HPSE2: variants seen among roughly 807,000 people sequenced by gnomAD.
HPSE2 encodes heparanase 2 (inactive).
HPSE2 carries 38 observed loss-of-function variants against 60.5 expected under a neutral mutation model. The observed-to-expected ratio is 0.63, with a 90% CI of 0.48 to 0.82. HPSE2 has a LOEUF of 0.82. HPSE2 is among the 40% of genes least tolerant of loss of function. The pLI is 0.00. For missense variants in HPSE2, 713 were observed against 740.4 expected (o/e 0.96, Z 0.43); for synonymous variants, 295 against 293.2 (o/e 1.01, Z -0.06).
intron 3 of HPSE2, among the ~76,000 whole-genome samples, chr10:99,061,080 T>A (rs1175275870): frequency 6.6e-6 from 1 of 152,114 alleles, no homozygotes; most frequent in Non-Finnish European, 1.5e-5. Context: ...AATAAAGAAT[T>A]CAAGGTAATT....
rs949472616 is a variant in HPSE2, at chr10:98,558,157, C to A, written c.1320+56747G>T. On this transcript the variant is annotated intron_variant, in intron 9 of 11. Transcript: ENST00000370552. Reference sequence around the variant, plus strand: ...AAGTGTTGACAAGGCTGTGGAGAAACCAAAATTTTCATACACTGCTGGTAG... The same window carrying A: ...AAGTGTTGACAAGGCTGTGGAGAAAACAAAATTTTCATACACTGCTGGTAG... Among the ~76,000 whole-genome samples, 5 of 151,916 alleles carry A rather than the reference C, an allele frequency of 3.3e-5. No homozygotes were observed. The East Asian group carries it at 7.7e-4, about 23-fold the overall frequency.
chr10:99,252,520 C>T, the HPSE2 span, among the ~76,000 whole-genome samples: 2 of 152,082 alleles, frequency 1.3e-5, no homozygotes, highest in Non-Finnish European at 2.9e-5. Context: ...TATTTTTATA[C>T]ACCAATAATG....
chr10:98,721,520 G>GC, intron 5 of HPSE2, 137 bp downstream of exon 5: 1 of 786,910 alleles, frequency 1.3e-6, no homozygotes, highest in Non-Finnish European at 2.0e-6. Context: ...AGTGGGTGAA[G>GC]CCACTATGGA....
At chr10:99,100,218 C>T (rs931129912) in intron 3 of HPSE2, among the ~76,000 whole-genome samples, 1 of 152,108 alleles carries the variant, frequency 6.6e-6, no homozygotes, top group African/African-American at 2.4e-5. Context: ...AGTTCGAATC[C>T]ATCGCAAAGA....
In HPSE2 at chr10:98,809,642, C is replaced by T. The variant is rs113971601; in HGVS notation, c.611-65586G>A. Among the ~76,000 whole-genome samples, 1,280 of 152,042 alleles carry T rather than the reference C, an allele frequency of 8.4e-3. 24 individuals are homozygous for T. Among genetic ancestry groups the T allele is most frequent in the African/African-American group, 0.03 (1,226 of 41,498 alleles). Reference sequence around the variant, plus strand: ...GGATGATCATAGCTTACTCTTTTTGCTACAATAATTTTTATAACCAACATC... The same window carrying T: ...GGATGATCATAGCTTACTCTTTTTGTTACAATAATTTTTATAACCAACATC... On this transcript the variant is annotated intron_variant, in intron 3 of 11. Coordinates refer to ENST00000370552, the MANE Select transcript of HPSE2 (RefSeq NM_021828.5).
rs12221330 is a variant in HPSE2 at position 99,160,524 on chromosome 10, A to T, written c.449-16125T>A. On this transcript the variant is annotated intron_variant, in intron 2 of 11. Transcript: ENST00000370552. ...TTGGAAAACACATTGGTAGTTTCTT[A>T]ACAAAATAAACTTGCTGTACAACCT... is the stretch of plus-strand genomic sequence containing the variant. 1.5e-4 allele frequency among the ~76,000 whole-genome samples: 23 copies of T among 152,290 alleles called. No individual in the cohort carries two copies. The East Asian group carries it at 4.5e-3, about 29-fold the overall frequency.
intron 9 of HPSE2, among the ~76,000 whole-genome samples, chr10:98,495,341 A>G (rs1335097561): frequency 6.6e-6 from 1 of 152,178 alleles, no homozygotes; most frequent in Non-Finnish European, 1.5e-5. Context: ...AATCTGATTA[A>G]AAGTGTCTTG....
intron 9 of HPSE2, among the ~76,000 whole-genome samples, chr10:98,572,065 C>G (rs1676002): frequency 1.3e-5 from 2 of 151,600 alleles, no homozygotes; most frequent in African/African-American, 4.9e-5. Context: ...CTCAGCCTCC[C>G]AAGTAGCTGG....
chr10:98,505,238 A>G (rs1231065473), intron 9 of HPSE2, among the ~76,000 whole-genome samples: 1 of 152,186 alleles, frequency 6.6e-6, no homozygotes, highest in African/African-American at 2.4e-5. Context: ...CAGCAACTTC[A>G]TCAGCTGGGT....
intron 3 of HPSE2, among the ~76,000 whole-genome samples, chr10:98,843,227 G>C (rs1951959360): frequency 6.6e-6 from 1 of 152,100 alleles, no homozygotes; most frequent in African/African-American, 2.4e-5. Context: ...CCCAGTGTCT[G>C]TTGTTTCCCT....
At chr10:99,065,446 G>A (rs2135533510) in intron 3 of HPSE2, among the ~76,000 whole-genome samples, 1 of 151,860 alleles carries the variant, frequency 6.6e-6, no homozygotes, top group East Asian at 1.9e-4. Context: ...ACAAAACAAA[G>A]GAATATAGCT....
At chr10:99,138,783 C>T (rs970503645) in intron 3 of HPSE2, among the ~76,000 whole-genome samples, 2 of 152,094 alleles carry the variant, frequency 1.3e-5, no homozygotes, top group Non-Finnish European at 2.9e-5. Context: ...AGGAGAAATA[C>T]CTAATGTAGG....
intron 3 of HPSE2, among the ~76,000 whole-genome samples, chr10:99,130,763 C>T (rs1219829699): frequency 3.9e-5 from 6 of 152,118 alleles, no homozygotes; most frequent in Non-Finnish European, 5.9e-5. Context: ...GTGACAGACC[C>T]GGGGCTTTGG....
chr10:99,168,088 A>T (rs933127232), intron 2 of HPSE2, among the ~76,000 whole-genome samples: 98 of 3,638 alleles, frequency 0.027, no homozygotes, highest in African/African-American at 0.037. Context: ...CAGCCTATTT[A>T]CACACACACA....
intron 3 of HPSE2, among the ~76,000 whole-genome samples, chr10:99,079,039 A>G (rs1189873441): frequency 6.6e-6 from 1 of 152,106 alleles, no homozygotes; most frequent in East Asian, 1.9e-4. Flanking sequence ...TTCCTCCCCA[A>G]GAAAAATCTG....
intron 9 of HPSE2, among the ~76,000 whole-genome samples, chr10:98,573,282 T>C (rs1051154766): frequency 2.6e-5 from 4 of 152,208 alleles, no homozygotes; most frequent in Non-Finnish European, 5.9e-5. Context: ...AAACAAAATC[T>C]GGAACTCACT....
chr10:99,248,677 T>C, the HPSE2 span, among the ~76,000 whole-genome samples: 2 of 152,292 alleles, frequency 1.3e-5, no homozygotes, highest in Non-Finnish European at 2.9e-5. Context: ...GCAAAGACAA[T>C]GGGGAAAATG....
At chr10:98,771,295 T>C (rs954743656) in intron 3 of HPSE2, among the ~76,000 whole-genome samples, 2 of 152,188 alleles carry the variant, frequency 1.3e-5, no homozygotes, top group Admixed American at 1.3e-4. Context: ...ATCAGGGCTA[T>C]ATTGGAAAAA....
chr10:98,693,467 C>T (rs1023059525), intron 6 of HPSE2, among the ~76,000 whole-genome samples: 3 of 151,984 alleles, frequency 2.0e-5, no homozygotes, highest in African/African-American at 7.2e-5. Context: ...ACTCACTTGG[C>T]AATAATTAAG....
Sources: gnomAD v4.1 joint callset for allele counts (sites outside exome capture counted in the v4.1 genomes callset) on GRCh38, gnomAD v4.1.1 for gene constraint, MANE v1.5 for transcripts, NCBI Gene and HGNC (gene_info 2026-07-23, HGNC 2026-07-21) for gene names.